Variants in ACER3 observed in about 807,000 individuals in gnomAD.
The protein encoded by ACER3 is alkaline ceramidase 3, also known as alkCDase 3.
In ACER3, 16 loss-of-function variants were observed where a neutral mutation model predicts 48.9. The ratio of observed to expected loss-of-function variants is 0.33; its 90% CI spans 0.22 to 0.50. The LOEUF (loss-of-function observed/expected upper bound fraction) is 0.50, where lower values mean the gene tolerates loss of function less well. ACER3 is among the 20% of genes least tolerant of loss of function. The pLI is 0.98. For missense variants in ACER3, 227 were observed against 326.0 expected (o/e 0.70, Z 2.34); for synonymous variants, 109 against 107.8 (o/e 1.01, Z -0.07).
chr11:76,965,994 A>G (rs1458292248), intron 3 of ACER3, among the ~76,000 whole-genome samples: 2 of 151,340 alleles, frequency 1.3e-5, no homozygotes, highest in African/African-American at 4.9e-5. Flanking sequence ...AAATGCTCCA[A>G]TTAAAAGACA....
At chr11:77,007,740 G>C (rs12271654) in intron 7 of ACER3, among the ~76,000 whole-genome samples, 1,633 of 152,238 alleles carry the variant, frequency 0.011, 35 homozygotes, top group African/African-American at 0.037. Context: ...CTGTGGGTGG[G>C]GATGAGAGTC....
intron 1 of ACER3, among the ~76,000 whole-genome samples, chr11:76,911,688 A>G (rs966180355): frequency 2.6e-5 from 4 of 152,176 alleles, no homozygotes; most frequent in African/African-American, 4.8e-5. Flanking sequence ...TTCTTCCTCT[A>G]TAGAACAGCT....
intron 3 of ACER3, among the ~76,000 whole-genome samples, chr11:76,971,383 T>C (rs547358516): frequency 3.6e-4 from 55 of 151,938 alleles, no homozygotes; most frequent in Admixed American, 1.4e-3. Flanking sequence ...CCACTAAAAA[T>C]ACAAACATTA....
Position 76,952,137 on chromosome 11 carries a change from TATACAC to T in ACER3, c.215-6840_215-6835del, listed in dbSNP as rs1489755620. On this transcript the variant is annotated intron_variant, in intron 2 of 10. Coordinates refer to ENST00000532485, the MANE Select transcript of ACER3 (RefSeq NM_018367.7). ...GTTCAGAAAAAATATTATATATATATATACACACACACACACACACACACACACACA... is the reference window on the plus strand; with the variant it reads ...GTTCAGAAAAAATATTATATATATATACACACACACACACACACACACACA... Among the ~76,000 whole-genome samples, 290 of 74,452 alleles carry T rather than the reference TATACAC, an allele frequency of 3.9e-3. 1 individual carries two copies. The highest frequency in any genetic ancestry group is 9.6e-3 in the Non-Finnish European group (222 of 23,222). The allele number at this position is 74,452 out of a possible 152,430, so 48.8% of individuals were successfully genotyped here.
At chr11:77,007,296 C>T (rs1407044975) in intron 7 of ACER3, among the ~76,000 whole-genome samples, 2 of 152,090 alleles carry the variant, frequency 1.3e-5, no homozygotes, top group African/African-American at 4.8e-5. Context: ...CTGCTCTCTT[C>T]CTCCTCTCCT....
intron 2 of ACER3, among the ~76,000 whole-genome samples, chr11:76,933,075 A>G (rs1377227708): frequency 2.0e-5 from 3 of 151,654 alleles, no homozygotes; most frequent in Non-Finnish European, 2.9e-5. Flanking sequence ...AAAGGAAAGA[A>G]GAACATTAAG....
chr11:76,983,463 G>T (rs1278283734), intron 4 of ACER3, among the ~76,000 whole-genome samples: 2 of 151,828 alleles, frequency 1.3e-5, no homozygotes, highest in African/African-American at 4.8e-5. Flanking sequence ...CTACAAGTGC[G>T]CTCCACCATG....
intron 3 of ACER3, among the ~76,000 whole-genome samples, chr11:76,962,408 C>T (rs887310326): frequency 7.9e-5 from 12 of 150,996 alleles, no homozygotes; most frequent in South Asian, 2.1e-4. Flanking sequence ...TTAGTAGAGA[C>T]GGGGTTTCAC....
chr11:76,933,194 GA>G (rs1157963542), intron 2 of ACER3, among the ~76,000 whole-genome samples: 1 of 70,390 alleles, frequency 1.4e-5, no homozygotes, highest in South Asian at 5.1e-4. Flanking sequence ...ATATATATAT[GA>G]AACTTCACTA....
chr11:76,901,547 C>T (rs529864818), intron 1 of ACER3, among the ~76,000 whole-genome samples: 3 of 152,076 alleles, frequency 2.0e-5, no homozygotes, highest in East Asian at 1.9e-4. Flanking sequence ...CCTCAGACAC[C>T]GAGTTAAAGA....
intron 7 of ACER3, among the ~76,000 whole-genome samples, chr11:77,003,016 T>C (rs1346701392): frequency 3.3e-5 from 5 of 152,098 alleles, no homozygotes; most frequent in African/African-American, 4.8e-5. Context: ...TTTGGGAAGA[T>C]AGAAAAAGTT....
At chr11:76,993,945 G>C (rs1042978866) in intron 6 of ACER3, among the ~76,000 whole-genome samples, 7 of 152,186 alleles carry the variant, frequency 4.6e-5, no homozygotes, top group Admixed American at 2.0e-4. Flanking sequence ...ACCAGTCTGG[G>C]GGATGGGGAC....
chr11:76,993,386 A>G (rs1435663037), intron 6 of ACER3, among the ~76,000 whole-genome samples: 1 of 152,258 alleles, frequency 6.6e-6, no homozygotes, highest in Non-Finnish European at 1.5e-5. Flanking sequence ...ACTAACATTA[A>G]TATACACAGG....
At chr11:77,005,288 A>C (rs572557888) in intron 7 of ACER3, among the ~76,000 whole-genome samples, 2 of 152,080 alleles carry the variant, frequency 1.3e-5, no homozygotes, top group South Asian at 4.2e-4. Context: ...GCTGGCCGTT[A>C]GTGTGTCTAT....
At chr11:76,977,555 T>G (rs899277739) in intron 4 of ACER3, among the ~76,000 whole-genome samples, 1 of 152,330 alleles carries the variant, frequency 6.6e-6, no homozygotes, top group African/African-American at 2.4e-5. Flanking sequence ...TAAGAATATG[T>G]GTTTGGAGGG....
At chr11:76,867,491 AAAAAAAG>A (rs1382940355) in intron 1 of ACER3, among the ~76,000 whole-genome samples, 523 of 44,034 alleles carry the variant, frequency 0.012, 23 homozygotes, top group Non-Finnish European at 0.031. Context: ...AAAAAAAAAA[AAAAAAAG>A]AAAGAAAAGT....
chr11:76,865,531 C>T (rs1284343279), intron 1 of ACER3, among the ~76,000 whole-genome samples: 6 of 149,460 alleles, frequency 4.0e-5, no homozygotes, highest in Admixed American at 2.0e-4. Context: ...TTTTTCCAGA[C>T]GGAATCTCGC....
intron 1 of ACER3, chr11:76,868,063 A>G: frequency 7.1e-6 from 9 of 1,263,116 alleles, no homozygotes; most frequent in Non-Finnish European, 8.3e-6. Context: ...TATGCCATGA[A>G]AGGCATTTGA....
intron 1 of ACER3, among the ~76,000 whole-genome samples, chr11:76,907,983 C>G (rs1228155401): frequency 6.6e-6 from 1 of 152,232 alleles, no homozygotes; most frequent in Non-Finnish European, 1.5e-5. Context: ...CGCCTGTAAT[C>G]CCAGCACCCT....
Sources: gnomAD v4.1 joint callset for allele counts (sites outside exome capture counted in the v4.1 genomes callset) on GRCh38, gnomAD v4.1.1 for gene constraint, MANE v1.5 for transcripts, NCBI Gene and HGNC (gene_info 2026-07-23, HGNC 2026-07-21) for gene names.